Variants in PIWIL1 observed in about 807,000 individuals in gnomAD.
The protein encoded by PIWIL1 is piwi-like protein 1.
Under a neutral mutation model 114.4 loss-of-function variants are expected in PIWIL1, and 73 were observed. The ratio of observed to expected loss-of-function variants is 0.64; its 90% CI spans 0.53 to 0.78. PIWIL1 has a LOEUF of 0.78. Ranked by LOEUF, PIWIL1 falls within the 30% of genes least tolerant of loss-of-function variation. The pLI, the probability that PIWIL1 is intolerant of heterozygous loss-of-function variation, is 0.00. For synonymous variants in PIWIL1, 375 were observed against 369.0 expected, an observed-to-expected ratio of 1.02 and a Z score of -0.19; for missense variants, 723 against 1,063.1, an observed-to-expected ratio of 0.68 and a Z score of 4.45.
the PIWIL1 span, among the ~76,000 whole-genome samples, chr12:130,394,959 A>G: frequency 6.6e-6 from 1 of 152,338 alleles, no homozygotes; most frequent in Non-Finnish European, 1.5e-5. Flanking sequence ...TTTACAGGTC[A>G]GGATGAGAAT....
intron 9 of PIWIL1, among the ~76,000 whole-genome samples, chr12:130,350,613 C>T (rs1175906878): frequency 6.6e-6 from 1 of 152,172 alleles, no homozygotes; most frequent in African/African-American, 2.4e-5. Flanking sequence ...TGTTTCAGTA[C>T]TCAGATGAGC....
In PIWIL1 at chr12:130,358,132, G is replaced by A. The variant is rs547808452; in HGVS notation, c.1665+579G>A. Among the ~76,000 whole-genome samples the A allele has an allele frequency of 1.3e-4, 20 of 152,316 alleles. No homozygotes were observed. In the South Asian group the frequency reaches 4.1e-3, roughly 32 times the overall value. On this transcript the variant is annotated intron_variant, in intron 14 of 20. Coordinates refer to ENST00000245255, the MANE Select transcript of PIWIL1 (RefSeq NM_004764.5). ...TTCACCCACCCATCCAGGTGAGTGA[G>A]TGATGACTCAGGAGGGGAGGACTGA...
chr12:130,355,485 A>C, intron 11 of PIWIL1, 68 bp from the exon 12 acceptor site: 1 of 1,161,920 alleles, frequency 8.6e-7, no homozygotes, highest in Non-Finnish European at 1.3e-6. Flanking sequence ...TGGAGTGGAT[A>C]TCTGTTTGAC....
chr12:130,379,013 G>A, the PIWIL1 span, among the ~76,000 whole-genome samples: 1 of 152,184 alleles, frequency 6.6e-6, no homozygotes, highest in Non-Finnish European at 1.5e-5. Context: ...CCTACTCTTC[G>A]ATGTGCTTCA....
At chr12:130,410,228 GGTT>G in the PIWIL1 span, among the ~76,000 whole-genome samples, 4 of 152,126 alleles carry the variant, frequency 2.6e-5, no homozygotes, top group Non-Finnish European at 5.9e-5. Context: ...ATTTTTATTG[GGTT>G]GTTTTCTTAT....
At chr12:130,419,119 G>A in the PIWIL1 span, among the ~76,000 whole-genome samples, 1 of 152,194 alleles carries the variant, frequency 6.6e-6, no homozygotes, top group Non-Finnish European at 1.5e-5. This position sits in a 1 kb window ranked among gnomAD's most constrained non-coding sequence, Gnocchi z 4.3. Context: ...GGAAAGAGTA[G>A]CAGCCTCCCT....
chr12:130,413,592 C>G, the PIWIL1 span, among the ~76,000 whole-genome samples: 1 of 137,260 alleles, frequency 7.3e-6, no homozygotes, highest in African/African-American at 2.7e-5. Context: ...GAGATGGTGC[C>G]ACTGTACTCC....
At chr12:130,424,990 A>C in the PIWIL1 span, 1 of 459,888 alleles carries the variant, frequency 2.2e-6, no homozygotes, top group Non-Finnish European at 3.5e-6. This position sits in a 1 kb window ranked among gnomAD's most constrained non-coding sequence, Gnocchi z 9.8. Flanking sequence ...GCATGCGTCT[A>C]CTCAGGCCGG....
chr12:130,371,310 A>G lies in PIWIL1; in HGVS notation c.2456A>G (p.Tyr819Cys). ...QRLTYKLCHI[Y>C]YNWPGVIRVP... ...TTGACCTACAAGCTGTGCCACATCT[A>G]TTACAACTGGCCAGTAAGTGCTTCT... Residue 819 changes from tyrosine to cysteine, a missense_variant, in exon 20 of 21, where the codon TAT becomes TGT. This residue lies in a region of PIWIL1 where 106 missense variants were observed against 182.8 expected (regional missense o/e 0.58). Transcript: ENST00000245255. The G allele has an allele frequency of 1.2e-6, 2 of 1,614,208 alleles. No individual in the cohort carries two copies. Among genetic ancestry groups the G allele is most frequent in the Non-Finnish European group, 1.7e-6 (2 of 1,180,032 alleles).
chr12:130,340,824 A>G (rs1013094865), intron 1 of PIWIL1, among the ~76,000 whole-genome samples: 1 of 152,152 alleles, frequency 6.6e-6, no homozygotes, highest in African/African-American at 2.4e-5. Context: ...GCAGTTTAAA[A>G]TGAGATTTAA....
intron 1 of PIWIL1, among the ~76,000 whole-genome samples, chr12:130,339,057 C>T (rs1007161704): frequency 8.6e-5 from 13 of 152,024 alleles, no homozygotes; most frequent in Non-Finnish European, 1.6e-4. Flanking sequence ...GGCGCGATCT[C>T]TGCGGAGGGC....
chr12:130,397,888 G>A, the PIWIL1 span: 3 of 181,030 alleles, frequency 1.7e-5, no homozygotes, highest in African/African-American at 2.3e-5. Context: ...AAAGTTGGCC[G>A]AGTACCCATC....
In PIWIL1 at chr12:130,338,089, C is replaced by G. The variant is rs2072759270; in HGVS notation, c.-70C>G. On this transcript the variant is annotated 5_prime_UTR_variant, in exon 1 of 21. Coordinates refer to ENST00000245255, the MANE Select transcript of PIWIL1 (RefSeq NM_004764.5). ...GGGATCTCCGCGGGAGCCGTTGGGGCTGTTGGCCTCGGGCTGAGGTGCAAG... is the reference window on the plus strand; with the variant it reads ...GGGATCTCCGCGGGAGCCGTTGGGGGTGTTGGCCTCGGGCTGAGGTGCAAG... 4.7e-6 allele frequency: 1 copy of G among 212,734 alleles called. No individual in the cohort carries two copies. Among genetic ancestry groups the G allele is most frequent in the Non-Finnish European group, 9.4e-6 (1 of 106,444 alleles). 13.2% of individuals were successfully genotyped at this position (212,734 alleles called of 1,614,324 possible).
chr12:130,416,994 T>C, the PIWIL1 span, among the ~76,000 whole-genome samples: 3 of 152,016 alleles, frequency 2.0e-5, no homozygotes, highest in African/African-American at 7.2e-5. Context: ...ATAAAAATGC[T>C]CCACATCACT....
At chr12:130,408,254 T>C in the PIWIL1 span, among the ~76,000 whole-genome samples, 1 of 152,188 alleles carries the variant, frequency 6.6e-6, no homozygotes. Context: ...TGCCTGTTTG[T>C]GTAACTATGG....
chr12:130,418,954 C>CA, the PIWIL1 span, among the ~76,000 whole-genome samples: 1 of 152,150 alleles, frequency 6.6e-6, no homozygotes, highest in Non-Finnish European at 1.5e-5. Flanking sequence ...CCCACAATGT[C>CA]ACGTTGTTTT....
Position 130,350,090 on chromosome 12 carries a change from C to T in PIWIL1, c.1044+123C>T, listed in dbSNP as rs2073173920. The T allele has an allele frequency of 1.2e-5, 7 of 570,754 alleles. No homozygotes were observed. In the East Asian group the frequency reaches 1.8e-4, roughly 15 times the overall value. 35.4% of individuals were successfully genotyped at this position (570,754 alleles called of 1,614,324 possible). ...CTGTGTGTAAATGTATTTGTTAGGG[C>T]AATCACAGCATAATTTTATTCATTA... On this transcript the variant is annotated intron_variant, in intron 9 of 20. Coordinates refer to ENST00000245255, the MANE Select transcript of PIWIL1 (RefSeq NM_004764.5).
At chr12:130,367,604 T>TTGTAATACACTTAG (rs1466016287) in intron 19 of PIWIL1, among the ~76,000 whole-genome samples, 1 of 152,206 alleles carries the variant, frequency 6.6e-6, no homozygotes, top group Admixed American at 6.5e-5. Context: ...GTGTTTAGAT[T>TTGTAATACACTTAG]TGTAATACAC....
intron 9 of PIWIL1, among the ~76,000 whole-genome samples, chr12:130,350,210 C>T (rs1368596131): frequency 6.6e-6 from 1 of 152,148 alleles, no homozygotes; most frequent in Non-Finnish European, 1.5e-5. Flanking sequence ...TGAAAGCTTA[C>T]GTTTGAATTG....
Sources: gnomAD v4.1 joint callset for allele counts (sites outside exome capture counted in the v4.1 genomes callset) on GRCh38, gnomAD v4.1.1 for gene constraint, gnomAD v4.1.1 regional missense constraint, Gnocchi (gnomAD v3.1) non-coding constraint, MANE v1.5 for transcripts, NCBI Gene and HGNC (gene_info 2026-07-23, HGNC 2026-07-21) for gene names.